The following MACROD2 variants were observed in gnomAD, a reference collection of about 807,000 sequenced individuals.
The protein encoded by MACROD2 is ADP-ribose glycohydrolase MACROD2.
MACROD2 carries 36 observed loss-of-function variants against 70.4 expected under a neutral mutation model. The ratio of observed to expected loss-of-function variants is 0.51; its 90% CI spans 0.39 to 0.68. The LOEUF (loss-of-function observed/expected upper bound fraction) is 0.68. Ranked by LOEUF, MACROD2 falls within the 30% of genes least tolerant of loss-of-function variation. The pLI is 0.00. For missense variants in MACROD2, 496 were observed against 538.4 expected (o/e 0.92, Z 0.78); for synonymous variants, 172 against 178.8 (o/e 0.96, Z 0.30).
chr20:15,901,291 G>A (rs1324918497), intron 10 of MACROD2, among the ~76,000 whole-genome samples: 1 of 151,632 alleles, frequency 6.6e-6, no homozygotes, highest in East Asian at 2.0e-4. Flanking sequence ...AGATTCCCAA[G>A]AAACTACAGA....
At chr20:14,876,823 C>T (rs1012662031) in intron 5 of MACROD2, among the ~76,000 whole-genome samples, 1 of 152,104 alleles carries the variant, frequency 6.6e-6, no homozygotes, top group East Asian at 1.9e-4. Context: ...CTGGCCTATG[C>T]ATCTGTTTTT....
intron 6 of MACROD2, among the ~76,000 whole-genome samples, chr20:15,315,728 A>T (rs2146158869): frequency 6.6e-6 from 1 of 152,322 alleles, no homozygotes; most frequent in Non-Finnish European, 1.5e-5. Context: ...AGTAAGTTGA[A>T]GTCATATGTA....
intron 6 of MACROD2, among the ~76,000 whole-genome samples, chr20:15,260,878 G>A (rs1601316191): frequency 1.3e-5 from 2 of 151,990 alleles, no homozygotes; most frequent in Non-Finnish European, 1.5e-5. Context: ...TTTCCATTTT[G>A]CAAAAGAAGT....
intron 3 of MACROD2, among the ~76,000 whole-genome samples, chr20:14,354,759 T>C (rs2083157218): frequency 6.6e-6 from 1 of 152,272 alleles, no homozygotes; most frequent in East Asian, 1.9e-4. Context: ...TTCCCCTCTC[T>C]CCCTTCCTTC....
chr20:15,360,731 TC>T (rs35964469), intron 6 of MACROD2, among the ~76,000 whole-genome samples: 1 of 152,072 alleles, frequency 6.6e-6, no homozygotes, highest in Non-Finnish European at 1.5e-5. Flanking sequence ...CCAGCGTTCT[TC>T]CCCCTACCTG....
At chr20:15,474,067 A>C (rs532052933) in intron 7 of MACROD2, among the ~76,000 whole-genome samples, 2 of 152,352 alleles carry the variant, frequency 1.3e-5, no homozygotes, top group East Asian at 3.9e-4. Context: ...AATAGGAACG[A>C]GAATTAATTA....
chr20:14,648,231 T>C (rs529452697), intron 4 of MACROD2, among the ~76,000 whole-genome samples: 11 of 152,320 alleles, frequency 7.2e-5, no homozygotes, highest in African/African-American at 2.4e-4. Context: ...GCTTTCTCTA[T>C]GTAAGATGAC....
chr20:14,281,554 T>G (rs1434866139), intron 3 of MACROD2, among the ~76,000 whole-genome samples: 1 of 152,226 alleles, frequency 6.6e-6, no homozygotes, highest in Non-Finnish European at 1.5e-5. Context: ...ATTTTTTACT[T>G]TATTTTTTTA....
At chr20:15,939,768 G>A (rs941995072) in intron 12 of MACROD2, among the ~76,000 whole-genome samples, 1 of 152,030 alleles carries the variant, frequency 6.6e-6, no homozygotes, top group Admixed American at 6.6e-5. Flanking sequence ...CTGAAAATAT[G>A]GAAAGGGTTT....
intron 5 of MACROD2, among the ~76,000 whole-genome samples, chr20:14,844,017 T>C (rs1310570175): frequency 1.3e-5 from 2 of 152,098 alleles, no homozygotes; most frequent in East Asian, 3.9e-4. Flanking sequence ...TAGTTCACTT[T>C]GCCTCTTATG....
Position 15,912,708 on chromosome 20 carries a change from T to C in MACROD2, c.776-20568T>C, listed in dbSNP as rs1171967433. On this transcript the variant is annotated intron_variant, in intron 10 of 17. Coordinates refer to ENST00000684519, the MANE Select transcript of MACROD2 (RefSeq NM_001351661.2). ...CAAAAGGTGCCTTCAGTGGAGGTTA[T>C]TGGATTGCAAAGAGGATGTTTGTTG... is the stretch of plus-strand genomic sequence containing the variant. Among the ~76,000 whole-genome samples the C allele has an allele frequency of 3.9e-5, 6 of 152,302 alleles. No homozygotes were observed. In the East Asian group the frequency reaches 1.2e-3, roughly 29 times the overall value.
intron 4 of MACROD2, among the ~76,000 whole-genome samples, chr20:14,515,351 A>G (rs1467408090): frequency 1.3e-5 from 2 of 152,050 alleles, no homozygotes; most frequent in Non-Finnish European, 2.9e-5. Flanking sequence ...TGTGCCAAAG[A>G]GATATCTGCA....
intron 8 of MACROD2, among the ~76,000 whole-genome samples, chr20:15,744,727 C>T (rs1447259292): frequency 7.1e-6 from 1 of 140,050 alleles, no homozygotes; most frequent in Non-Finnish European, 1.6e-5. Context: ...CACACACACA[C>T]ACACACACAC....
chr20:15,488,256 G>A (rs1216532371), intron 7 of MACROD2, among the ~76,000 whole-genome samples: 1 of 152,154 alleles, frequency 6.6e-6, no homozygotes, highest in Non-Finnish European at 1.5e-5. Flanking sequence ...TCCAGTGAGA[G>A]GGCTTATTCT....
chr20:15,567,358 G>A (rs2146618737), intron 8 of MACROD2, among the ~76,000 whole-genome samples: 1 of 152,292 alleles, frequency 6.6e-6, no homozygotes, highest in African/African-American at 2.4e-5. Context: ...GAGTGTTTAT[G>A]TCAGGCAAAT....
intron 2 of MACROD2, among the ~76,000 whole-genome samples, chr20:14,053,871 A>T (rs1313140365): frequency 2.0e-5 from 3 of 152,238 alleles, no homozygotes; most frequent in East Asian, 3.9e-4. Flanking sequence ...CAAAATAAAA[A>T]TTTTTAAATA....
chr20:15,762,293 A>T (rs973483271), intron 8 of MACROD2, among the ~76,000 whole-genome samples: 3 of 152,182 alleles, frequency 2.0e-5, no homozygotes, highest in African/African-American at 7.2e-5. Context: ...AAGTAAGGAC[A>T]AGGCAGGTGA....
chr20:14,498,846 T>C (rs1353123861), intron 4 of MACROD2, among the ~76,000 whole-genome samples: 1 of 152,208 alleles, frequency 6.6e-6, no homozygotes, highest in Non-Finnish European at 1.5e-5. Context: ...ACAACGGCTT[T>C]CCCAGCATAT....
intron 5 of MACROD2, among the ~76,000 whole-genome samples, chr20:14,751,967 C>T (rs946024242): frequency 1.3e-5 from 2 of 151,974 alleles, no homozygotes; most frequent in African/African-American, 2.4e-5. Flanking sequence ...ATACCCTCTT[C>T]CTGTGGCTTC....
Sources: gnomAD v4.1 joint callset for allele counts (sites outside exome capture counted in the v4.1 genomes callset) on GRCh38, gnomAD v4.1.1 for gene constraint, MANE v1.5 for transcripts, NCBI Gene and HGNC (gene_info 2026-07-23, HGNC 2026-07-21) for gene names.